The following HMCN1 variants were observed in gnomAD, a reference collection of about 807,000 sequenced individuals.
HMCN1 encodes hemicentin 1, also known as hemicentin-1.
HMCN1 carries 321 observed loss-of-function variants against 625.9 expected under a neutral mutation model. That is an observed-to-expected ratio of 0.51 (90% confidence interval 0.47 to 0.56). The LOEUF (loss-of-function observed/expected upper bound fraction) is 0.56. HMCN1 is among the 20% of genes least tolerant of loss of function. HMCN1 has a pLI of 0.00. For missense variants in HMCN1, 6,588 were observed against 6,887.3 expected (o/e 0.96, Z 1.54); for synonymous variants, 2,425 against 2,417.6 (o/e 1.00, Z -0.09).
At chr1:185,936,010 TA>T (rs1667796593) in intron 11 of HMCN1, among the ~76,000 whole-genome samples, 1 of 152,122 alleles carries the variant, frequency 6.6e-6, no homozygotes, top group African/African-American at 2.4e-5. Flanking sequence ...TTAGAAAACT[TA>T]AAAGACAAAA....
chr1:186,116,947 A>G, intron 75 of HMCN1, 47 bp from the exon 76 acceptor site: 1 of 1,607,076 alleles, frequency 6.2e-7, no homozygotes, highest in Non-Finnish European at 8.5e-7. Context: ...GGGAAAATTT[A>G]TGAAAACCTA....
At chr1:185,933,970 G>C (rs1437282642) in intron 11 of HMCN1, 146 bp downstream of exon 11, 2 of 763,982 alleles carry the variant, frequency 2.6e-6, no homozygotes, top group Admixed American at 3.8e-5. Context: ...AACATACTCA[G>C]TGGTCTACAG....
chr1:186,050,141 G>C (rs1354425702), intron 42 of HMCN1, among the ~76,000 whole-genome samples: 1 of 150,964 alleles, frequency 6.6e-6, no homozygotes, highest in Non-Finnish European at 1.5e-5. Flanking sequence ...AAGACACTAG[G>C]CTAAGTGTTA....
At chr1:185,740,590 G>A (rs974434678) in intron 1 of HMCN1, among the ~76,000 whole-genome samples, 4 of 151,246 alleles carry the variant, frequency 2.6e-5, no homozygotes, top group African/African-American at 9.7e-5. Context: ...TGTTTAGGTA[G>A]ATCTCTCATG....
At chr1:185,953,091 C>T (rs1327937290) in intron 11 of HMCN1, among the ~76,000 whole-genome samples, 1 of 149,938 alleles carries the variant, frequency 6.7e-6, no homozygotes, top group African/African-American at 2.5e-5. Context: ...GTACTTGCCC[C>T]TCCCCCAGAA....
At chr1:185,830,332 G>T (rs1660781380) in intron 1 of HMCN1, among the ~76,000 whole-genome samples, 1 of 152,164 alleles carries the variant, frequency 6.6e-6, no homozygotes, top group Non-Finnish European at 1.5e-5. Context: ...CGTGCCGTAT[G>T]TCCTGAATGG....
At chr1:186,012,226 CTTT>C (rs553975075) in intron 30 of HMCN1, among the ~76,000 whole-genome samples, 1 of 142,828 alleles carries the variant, frequency 7.0e-6, no homozygotes. Flanking sequence ...TTGTCTAAGC[CTTT>C]TTTTTTTTGC....
intron 30 of HMCN1, 124 bp downstream of exon 30, chr1:186,007,406 A>G: frequency 1.2e-6 from 1 of 848,930 alleles, no homozygotes; most frequent in Non-Finnish European, 1.9e-6. Context: ...CTTCAAGAGA[A>G]GAAGGAGCTT....
chr1:186,120,302 A>G (rs1168506330), intron 80 of HMCN1, among the ~76,000 whole-genome samples, 157 bp downstream of exon 80: 1 of 152,238 alleles, frequency 6.6e-6, no homozygotes, highest in Non-Finnish European at 1.5e-5. Context: ...ACTTTTATGA[A>G]GAAAGTTTAA....
At chr1:185,862,111 A>G (rs748922115) in intron 2 of HMCN1, among the ~76,000 whole-genome samples, 3 of 152,138 alleles carry the variant, frequency 2.0e-5, no homozygotes, top group African/African-American at 7.2e-5. Flanking sequence ...AACATTTATA[A>G]TATTAAAAAT....
At chr1:185,838,361 C>T (rs977581575) in intron 1 of HMCN1, among the ~76,000 whole-genome samples, 1 of 152,200 alleles carries the variant, frequency 6.6e-6, no homozygotes, top group African/African-American at 2.4e-5. Flanking sequence ...GGCCTCTGGC[C>T]TCTACTAGTG....
chr1:186,171,052 C>G (rs1436567080), intron 100 of HMCN1, among the ~76,000 whole-genome samples: 1 of 152,148 alleles, frequency 6.6e-6, no homozygotes. Context: ...TTCCGAGAAA[C>G]AGGAGTGAGA....
chr1:186,023,869 T>C (rs190017922), intron 36 of HMCN1, among the ~76,000 whole-genome samples: 115 of 152,342 alleles, frequency 7.5e-4, no homozygotes, highest in Non-Finnish European at 1.0e-3. Flanking sequence ...AAACCTAGAA[T>C]AATGTCCTAG....
chr1:185,967,866 G>A (rs1268716394), intron 14 of HMCN1, among the ~76,000 whole-genome samples: 1 of 151,970 alleles, frequency 6.6e-6, no homozygotes, highest in East Asian at 1.9e-4. Context: ...TAAAGTAGGT[G>A]TTTGAAAGAA....
chr1:186,027,206 T>C (rs1042143842), intron 36 of HMCN1, among the ~76,000 whole-genome samples: 2 of 152,148 alleles, frequency 1.3e-5, no homozygotes, highest in Non-Finnish European at 2.9e-5. Context: ...CATGGGGTTT[T>C]CCAGGGTGGG....
chr1:186,136,790 T>G lies in HMCN1; in HGVS notation c.13435T>G (p.Ser4479Ala), dbSNP rs200250641. The part of the protein sequence containing the change: ...PTITWSRQGH[S>A]ISWDDRVNVL... ...CATTACATGGTCCCGTCAAGGGCAC[T>G]CTATTTCCTGGGATGACCGGGTTAA... Residue 4479 changes from serine (S) to alanine (A), a missense_variant, in exon 87 of 107, where the codon TCT becomes GCT. Around this residue, in one of 3 missense-constraint regions of HMCN1, gnomAD observed 1,954 missense variants for 2,013.1 expected, o/e 0.97. Transcript: ENST00000271588. 33 of 1,613,922 alleles carry G rather than the reference T, an allele frequency of 2.0e-5. No individual in the cohort carries two copies. Among genetic ancestry groups the G allele is most frequent in the Non-Finnish European group, 2.7e-5 (32 of 1,179,968 alleles).
Position 186,087,136 on chromosome 1 carries a change from G to C in HMCN1, c.9047-81G>C. On this transcript the variant is annotated intron_variant, in intron 58 of 106. Coordinates refer to ENST00000271588, the MANE Select transcript of HMCN1 (RefSeq NM_031935.3). ...TTTTACTCTAAGGGGAAGGATATAT[G>C]TTGCTATTTATCTGATTGGTAAAAT... The C allele has an allele frequency of 3.5e-6, 3 of 852,796 alleles. No homozygotes were observed. In the Admixed American group the frequency reaches 5.1e-5, roughly 15 times the overall value. The allele number at this position is 852,796 out of a possible 1,614,324, so 52.8% of individuals were successfully genotyped here. A position where few individuals can be genotyped will look rare whatever the true frequency, so the allele number is the denominator to read the frequency against.
Position 186,090,991 on chromosome 1 carries a change from GAAT to G in HMCN1, c.9887+82_9887+84del. ...ATGCTTTATGCTTCAAATTTCACATGAATAATAATACCGAATTCCATCCCATTG... is the reference window on the plus strand; with the variant it reads ...ATGCTTTATGCTTCAAATTTCACATGAATAATACCGAATTCCATCCCATTG... On this transcript the variant is annotated intron_variant, in intron 64 of 106. Transcript: ENST00000271588. The G allele has an allele frequency of 2.8e-6, 4 of 1,443,710 alleles. No individual in the cohort carries two copies. In the Middle Eastern group the frequency reaches 7.0e-4, roughly 253 times the overall value. 89.4% of individuals were successfully genotyped at this position (1,443,710 alleles called of 1,614,324 possible). A position where few individuals can be genotyped will look rare whatever the true frequency, so the allele number is the denominator to read the frequency against.
chr1:185,802,052 A>G (rs1400057648), intron 1 of HMCN1, among the ~76,000 whole-genome samples: 1 of 152,190 alleles, frequency 6.6e-6, no homozygotes, highest in African/African-American at 2.4e-5. Context: ...AGAGATAAAA[A>G]GGACTAAGGT....
Sources: allele counts gnomAD v4.1 joint callset (sites outside exome capture counted in the v4.1 genomes callset), GRCh38; gene constraint gnomAD v4.1.1; regional missense constraint gnomAD v4.1.1; transcripts MANE v1.5; gene names NCBI Gene and HGNC (gene_info 2026-07-23, HGNC 2026-07-21).